The following EPS8L1 variants were observed in gnomAD, a reference collection of about 807,000 sequenced individuals.
The protein encoded by EPS8L1 is epidermal growth factor receptor kinase substrate 8-like protein 1.
In EPS8L1, 101 loss-of-function variants were observed where a neutral mutation model predicts 91.7. The observed-to-expected ratio is 1.10, with a 90% CI of 0.94 to 1.30. The LOEUF (loss-of-function observed/expected upper bound fraction) is 1.30. Among genes scored for constraint, EPS8L1 ranks in the 50% most tolerant of loss-of-function variants. The pLI is 0.00. For missense variants in EPS8L1, 1,114 were observed against 1,017.0 expected (o/e 1.10, Z -1.30); for synonymous variants, 506 against 445.3 (o/e 1.14, Z -1.72).
intron 2 of EPS8L1, among the ~76,000 whole-genome samples, chr19:55,077,430 G>A (rs984860697): frequency 2.0e-5 from 3 of 152,028 alleles, no homozygotes; most frequent in Non-Finnish European, 4.4e-5. Flanking sequence ...TGGTTACTAC[G>A]TTACAGAAAG....
intron 6 of EPS8L1, 61 bp from the exon 7 acceptor site, chr19:55,080,711 G>T (rs1395089488): frequency 6.3e-6 from 10 of 1,586,038 alleles, no homozygotes; most frequent in African/African-American, 2.7e-5. Flanking sequence ...GGCCAGGGGC[G>T]AGGCCCGGGT....
chr19:55,082,206 G>C, intron 10 of EPS8L1, 26 bp downstream of exon 10: 2 of 1,590,088 alleles, frequency 1.3e-6, no homozygotes, highest in Non-Finnish European at 8.6e-7. Context: ...CCCCTGGGCC[G>C]GGGCGCGGGC....
intron 6 of EPS8L1, 76 bp downstream of exon 6, chr19:55,080,354 C>T (rs2147138057): frequency 1.3e-6 from 2 of 1,545,504 alleles, no homozygotes; most frequent in East Asian, 4.9e-5. Flanking sequence ...ATGGGTGGGG[C>T]CTCTAGGTGG....
chr19:55,086,182 C>T lies in EPS8L1; in HGVS notation c.1640C>T (p.Ala547Val). Residue 547 changes from alanine (A) to valine (V), a missense_variant, in exon 16 of 20, where the codon GCC becomes GTC. Physicochemically the swap from Ala to Val is moderately conservative, Grantham distance 64 (BLOSUM62 0). Transcript: ENST00000201647. ...CGGCTGCACCACAGCCAAAGCCCTG[C>T]CCGCAGCCTGGTGAGCCAGCGCAGA... ...GPRLHHSQSPARSLNSTPPPP... is the reference protein window; with the variant it reads ...GPRLHHSQSPVRSLNSTPPPP... 1 of 1,596,824 alleles carries T rather than the reference C, an allele frequency of 6.3e-7. No homozygotes were observed. Among genetic ancestry groups the T allele is most frequent in the Non-Finnish European group, 8.5e-7 (1 of 1,171,038 alleles).
chr19:55,081,515 T>A lies in EPS8L1; in HGVS notation c.774+23T>A. On this transcript the variant is annotated intron_variant, in intron 8 of 19. Coordinates refer to ENST00000201647, the MANE Select transcript of EPS8L1 (RefSeq NM_133180.3). This position sits in a 1 kb window ranked among gnomAD's most constrained non-coding sequence, Gnocchi z 4.9. ...GTGGTGAGCCGCTAAGGAAGGGGTC[T>A]GGGGGCAGGGCCAGGCGACTGGAGG... is the stretch of plus-strand genomic sequence containing the variant. 1 of 1,539,262 alleles carries A rather than the reference T, an allele frequency of 6.5e-7. No individual in the cohort carries two copies. Among genetic ancestry groups the A allele is most frequent in the Non-Finnish European group, 8.7e-7 (1 of 1,145,536 alleles).
chr19:55,086,381 C>G lies in EPS8L1; in HGVS notation c.1651-11C>G, dbSNP rs1568797426. 1 of 1,587,208 alleles carries G rather than the reference C, an allele frequency of 6.3e-7. No individual in the cohort carries two copies. Among genetic ancestry groups the G allele is most frequent in the Non-Finnish European group, 8.6e-7 (1 of 1,165,582 alleles). Reference sequence around the variant, plus strand: ...TCCCTAACCCAGGTACTCTCCTCTCCTTCCTTTCAGAACAGCACTCCTCCT... The same window carrying G: ...TCCCTAACCCAGGTACTCTCCTCTCGTTCCTTTCAGAACAGCACTCCTCCT... On this transcript the variant is annotated splice_polypyrimidine_tract_variant and intron_variant, in intron 16 of 19. Coordinates refer to ENST00000201647, the MANE Select transcript of EPS8L1 (RefSeq NM_133180.3).
rs1387914256 is a variant in EPS8L1, at chr19:55,081,750, CGTCCCCCTCCTCT to C, written c.775-16_775-4del. 2.5e-6 allele frequency: 4 copies of C among 1,583,448 alleles called. No homozygotes were observed. The highest frequency in any genetic ancestry group is 3.4e-6 in the Non-Finnish European group (4 of 1,162,436). ...GGTTTTGGAACTCGGGAGCCCTGAG[CGTCCCCCTCCTCT>C]GTCCCCTAGGACATCCTGAACCACG... On this transcript the variant is annotated splice_polypyrimidine_tract_variant and intron_variant, in intron 8 of 19. Coordinates refer to ENST00000201647, the MANE Select transcript of EPS8L1 (RefSeq NM_133180.3). The surrounding 1 kb of genome is among the most constrained non-coding windows in gnomAD (Gnocchi z 4.9).
At chr19:55,085,360 T>C (rs571858345) in intron 14 of EPS8L1, among the ~76,000 whole-genome samples, 1 of 152,248 alleles carries the variant, frequency 6.6e-6, no homozygotes, top group South Asian at 2.1e-4. Flanking sequence ...AGAGACAGGG[T>C]TTCACCATGT....
chr19:55,087,176 T>C, intron 18 of EPS8L1, 127 bp from the exon 19 acceptor site: 1 of 1,391,512 alleles, frequency 7.2e-7, no homozygotes, highest in Non-Finnish European at 9.5e-7. Flanking sequence ...TCAGGAGGTG[T>C]CGGGCCTGCC....
At position 55,081,884 on chromosome 19, in the gene EPS8L1, C is replaced by T; in HGVS notation, c.886C>T (p.Arg296Cys). 6.2e-7 allele frequency: 1 copy of T among 1,608,234 alleles called. No homozygotes were observed. Among genetic ancestry groups the T allele is most frequent in the Non-Finnish European group, 8.5e-7 (1 of 1,176,716 alleles). The part of the protein sequence containing the change: ...EHRERGRRSR[R>C]RAAGEGLLTL... ...CCGGGAACGCGGCCGCAGGAGCCGG[C>T]GCCGGGCGGCTGGGGGTAAGGGGCA... The change falls in exon 9 of 20, where the codon CGC becomes TGC. Residue 296 changes from arginine (R) to cysteine (C), a missense_variant. Transcript: ENST00000201647. This position sits in a 1 kb window ranked among gnomAD's most constrained non-coding sequence, Gnocchi z 4.9.
chr19:55,079,139 G>C (rs933293551), intron 4 of EPS8L1, 82 bp downstream of exon 4: 31 of 1,432,918 alleles, frequency 2.2e-5, no homozygotes, highest in Non-Finnish European at 3.1e-5. Flanking sequence ...AAAGCAGCTA[G>C]GCCCCCAAGC....
chr19:55,083,974 T>G lies in EPS8L1; in HGVS notation c.1385+330T>G. On this transcript the variant is annotated intron_variant, in intron 14 of 19. Coordinates refer to ENST00000201647, the MANE Select transcript of EPS8L1 (RefSeq NM_133180.3). This position sits in a 1 kb window ranked among gnomAD's most constrained non-coding sequence, Gnocchi z 4.7. ...AAAGGCTGGAAGAAGCCAGTTTGTT[T>G]TCCCAGGGCCTGGGAAGCACCATGC... 7.1e-6 allele frequency: 4 copies of G among 564,742 alleles called. No homozygotes were observed. Among genetic ancestry groups the G allele is most frequent in the Non-Finnish European group, 9.5e-6 (3 of 315,132 alleles). The allele number at this position is 564,742 out of a possible 1,614,324, so 35.0% of individuals were successfully genotyped here.
rs1156710501 is a variant in EPS8L1 at position 55,085,970 on chromosome 19, G to A, written c.1515G>A (p.Leu505=). Reference sequence around the variant, plus strand: ...TGTCGGTCAAGCAGCGGGACGTACTGGAGGTTAGAGGAGCGGGAGGCTGAG... The same window carrying A: ...TGTCGGTCAAGCAGCGGGACGTACTAGAGGTTAGAGGAGCGGGAGGCTGAG... ...SELSVKQRDV[L]EVLDDSRKWW... Residue 505 remains leucine, a synonymous_variant, in exon 15 of 20, where the codon CTG becomes CTA. Transcript: ENST00000201647. The A allele has an allele frequency of 6.2e-7, 1 of 1,611,218 alleles. No homozygotes were observed. The highest frequency in any genetic ancestry group is 2.2e-5 in the East Asian group (1 of 44,776).
chr19:55,079,803 G>A lies in EPS8L1; in HGVS notation c.231G>A (p.Leu77=). The change falls in exon 5 of 20, where the codon CTG becomes CTA. Residue 77 remains leucine (L), a synonymous_variant. Coordinates refer to ENST00000201647, the MANE Select transcript of EPS8L1 (RefSeq NM_133180.3). ...SQGRVWAQEM[L]LRVSPDHVTL... is the part of the protein sequence containing the mutation. Reference sequence around the variant, plus strand: ...GCCGAGTCTGGGCACAGGAGATGCTGCTGCGAGTGTCTCCCGACCATGTCA... The same window carrying A: ...GCCGAGTCTGGGCACAGGAGATGCTACTGCGAGTGTCTCCCGACCATGTCA... The A allele has an allele frequency of 1.2e-6, 2 of 1,614,054 alleles. No homozygotes were observed. Among genetic ancestry groups the A allele is most frequent in the Non-Finnish European group, 1.7e-6 (2 of 1,179,988 alleles).
Position 55,076,431 on chromosome 19 carries a change from T to C in EPS8L1, c.-14T>C. The C allele has an allele frequency of 6.2e-7, 1 of 1,611,964 alleles. No individual in the cohort carries two copies. The highest frequency in any genetic ancestry group is 1.1e-5 in the South Asian group (1 of 90,986). On this transcript the variant is annotated 5_prime_UTR_variant, in exon 2 of 20. Transcript: ENST00000201647. ...AGGGCACCTCCAGGTGGGCAGGAGC[T>C]ACCACTCAGCACCATGAGCACCGCC...
intron 11 of EPS8L1, 38 bp from the exon 12 acceptor site, chr19:55,082,416 T>G (rs1458789244): frequency 6.2e-7 from 1 of 1,611,220 alleles, no homozygotes; most frequent in Non-Finnish European, 8.5e-7. Flanking sequence ...TTGTAGAAGG[T>G]GTGGCGGCAC....
chr19:55,081,619 GCTGGGT>G lies in EPS8L1; in HGVS notation c.774+129_774+134del. On this transcript the variant is annotated intron_variant, in intron 8 of 19. Transcript: ENST00000201647. The surrounding 1 kb of genome is among the most constrained non-coding windows in gnomAD (Gnocchi z 4.9). ...CAGACTTCTGCGTTATGGAAGAGGG[GCTGGGT>G]CGGGGGCGGGGCTTGGTTGTGGGGC... 1 of 531,354 alleles carries G rather than the reference GCTGGGT, an allele frequency of 1.9e-6. No individual in the cohort carries two copies. The highest frequency in any genetic ancestry group is 3.0e-6 in the Non-Finnish European group (1 of 328,210). 32.9% of individuals were successfully genotyped at this position (531,354 alleles called of 1,614,324 possible).
chr19:55,086,622 G>A (rs773060150), intron 17 of EPS8L1, 92 bp from the exon 18 acceptor site: 2 of 1,528,384 alleles, frequency 1.3e-6, no homozygotes, highest in Non-Finnish European at 1.8e-6. Flanking sequence ...TCCCATTCTG[G>A]GGACGCTGGA....
In EPS8L1 at chr19:55,087,723, C is replaced by A; in HGVS notation, c.*109C>A. On this transcript the variant is annotated 3_prime_UTR_variant, in exon 20 of 20. Coordinates refer to ENST00000201647, the MANE Select transcript of EPS8L1 (RefSeq NM_133180.3). ...CTTCTGAAGGATGGCCAATCTGCTCCGGCCCTGGTCTTCCCCCATCCCGGT... is the reference window on the plus strand; with the variant it reads ...CTTCTGAAGGATGGCCAATCTGCTCAGGCCCTGGTCTTCCCCCATCCCGGT... 1 of 1,122,808 alleles carries A rather than the reference C, an allele frequency of 8.9e-7. No individual in the cohort carries two copies. The allele number at this position is 1,122,808 out of a possible 1,614,324, so 69.6% of individuals were successfully genotyped here.
Sources: gnomAD v4.1 joint callset for allele counts (sites outside exome capture counted in the v4.1 genomes callset) on GRCh38, gnomAD v4.1.1 for gene constraint, Gnocchi (gnomAD v3.1) non-coding constraint, MANE v1.5 for transcripts, NCBI Gene and HGNC (gene_info 2026-07-23, HGNC 2026-07-21) for gene names.